The following SGPP2 variants were observed in gnomAD, a reference collection of about 807,000 sequenced individuals.
The protein encoded by SGPP2 is sphingosine-1-phosphate phosphatase 2.
SGPP2 carries 30 observed loss-of-function variants against 33.9 expected under a neutral mutation model. That is an observed-to-expected ratio of 0.89 (90% CI 0.66 to 1.20). The LOEUF (loss-of-function observed/expected upper bound fraction) is 1.20, where lower values mean the gene tolerates loss of function less well. SGPP2 is among the 50% of genes most tolerant of loss of function. The probability of loss-of-function intolerance (pLI) is 0.00; values close to 1 mark genes in which losing one functional copy is unlikely to be tolerated. For synonymous variants in SGPP2, 233 were observed against 225.0 expected, an observed-to-expected ratio of 1.04 and a Z score of -0.32; for missense variants, 458 against 532.1, an observed-to-expected ratio of 0.86 and a Z score of 1.37.
At position 222,496,272 on chromosome 2, in the gene SGPP2, A is replaced by G. The variant is rs1269879315; in HGVS notation, c.378+21546A>G. Among the ~76,000 whole-genome samples the G allele has an allele frequency of 3.9e-5, 6 of 152,244 alleles. No individual in the cohort carries two copies. In the South Asian group the frequency reaches 1.2e-3, roughly 32 times the overall value. On this transcript the variant is annotated intron_variant, in intron 2 of 4. Coordinates refer to ENST00000321276, the MANE Select transcript of SGPP2 (RefSeq NM_152386.4). ...AACAGTTCCCGTCCATGAGGTCTTC[A>G]CTTCTCAGTTTGAGACGCTTTCCAA...
chr2:222,492,091 T>C (rs962724189), intron 2 of SGPP2, among the ~76,000 whole-genome samples: 6 of 152,300 alleles, frequency 3.9e-5, no homozygotes, highest in East Asian at 3.9e-4. Context: ...TATGCTGGCA[T>C]TGAGTGCCTG....
chr2:222,546,241 T>C (rs566997065), intron 4 of SGPP2, among the ~76,000 whole-genome samples: 1 of 152,330 alleles, frequency 6.6e-6, no homozygotes, highest in East Asian at 1.9e-4. Flanking sequence ...TGTGGCATAG[T>C]TGGATTTCCA....
At chr2:222,431,937 A>G (rs1697163796) in intron 1 of SGPP2, among the ~76,000 whole-genome samples, 1 of 152,218 alleles carries the variant, frequency 6.6e-6, no homozygotes, top group Non-Finnish European at 1.5e-5. Flanking sequence ...AGTGGACTGG[A>G]GAGGAGAAAT....
chr2:222,542,298 A>T (rs1263107982), intron 4 of SGPP2, among the ~76,000 whole-genome samples: 4 of 152,164 alleles, frequency 2.6e-5, no homozygotes, highest in African/African-American at 4.8e-5. Context: ...CATATACCAC[A>T]CTTTATCCCT....
intron 4 of SGPP2, among the ~76,000 whole-genome samples, chr2:222,539,152 T>C (rs2106147175): frequency 6.6e-6 from 1 of 152,266 alleles, no homozygotes; most frequent in African/African-American, 2.4e-5. Flanking sequence ...AAAAACAAGT[T>C]AGTTACTTCC....
rs1468684299 is a variant in SGPP2, at chr2:222,562,358, C to A, written c.*3460C>A. On this transcript the variant is annotated 3_prime_UTR_variant, in exon 5 of 5. Transcript: ENST00000321276. The stretch of plus-strand genomic sequence containing the variant: ...AGAAGATGAAAACGTAGAAGACACC[C>A]CTGAATTAAAAACACTTACATAGCA... Among the ~76,000 whole-genome samples the A allele has an allele frequency of 1.3e-5, 2 of 152,144 alleles. No homozygotes were observed. Among genetic ancestry groups the A allele is most frequent in the Non-Finnish European group, 2.9e-5 (2 of 68,026 alleles).
In SGPP2 at chr2:222,514,608, A is replaced by G. The variant is rs1292637926; in HGVS notation, c.379-7159A>G. Among the ~76,000 whole-genome samples, 20 of 118,214 alleles carry G rather than the reference A, an allele frequency of 1.7e-4. No individual in the cohort carries two copies. The Admixed American group carries it at 1.8e-3, about 11-fold the overall frequency. 77.6% of individuals were successfully genotyped at this position (118,214 alleles called of 152,430 possible). A position where few individuals can be genotyped will look rare whatever the true frequency, so the allele number is the denominator to read the frequency against. ...GTACGTTCATAACCTGCAAGAAAAT[A>G]TTTAGTGTTTACTTGTAAAAGAGAG... On this transcript the variant is annotated intron_variant, in intron 2 of 4. Transcript: ENST00000321276.
chr2:222,453,460 A>G (rs1217082492), intron 1 of SGPP2, among the ~76,000 whole-genome samples: 1 of 152,200 alleles, frequency 6.6e-6, no homozygotes, highest in African/African-American at 2.4e-5. Flanking sequence ...AACAGGAGGC[A>G]ACCAGCTCAG....
chr2:222,517,697 A>G (rs1698626179), intron 2 of SGPP2, among the ~76,000 whole-genome samples: 1 of 152,176 alleles, frequency 6.6e-6, no homozygotes, highest in Non-Finnish European at 1.5e-5. Context: ...ACACATCCCT[A>G]GACTCCTAAC....
Position 222,558,847 on chromosome 2 carries a change from C to G in SGPP2, c.1149C>G (p.Ile383Met). 3 of 1,614,062 alleles carry G rather than the reference C, an allele frequency of 1.9e-6. No individual in the cohort carries two copies. Among genetic ancestry groups the G allele is most frequent in the Non-Finnish European group, 1.7e-6 (2 of 1,179,916 alleles). The stretch of plus-strand genomic sequence containing the variant: ...TTGTTACCTACACATCTGTTGGCAT[C>G]TGCGCTACAACCTTTGTGCCGATGC... Reference protein sequence around the residue: ...YKFVTYTSVGICATTFVPMLH... With the variant: ...YKFVTYTSVGMCATTFVPMLH... The change falls in exon 5 of 5, where the codon ATC becomes ATG. Residue 383 changes from isoleucine to methionine, a missense_variant. Coordinates refer to ENST00000321276, the MANE Select transcript of SGPP2 (RefSeq NM_152386.4).
At chr2:222,486,742 CCT>C (rs1698116159) in intron 2 of SGPP2, among the ~76,000 whole-genome samples, 1 of 112,230 alleles carries the variant, frequency 8.9e-6, no homozygotes, top group Non-Finnish European at 2.0e-5. Context: ...AGGTGTAGAG[CCT>C]AGATTCGAAC....
rs369207653 is a variant in SGPP2, at chr2:222,466,678, G to GT, written c.220-7881dup. Among the ~76,000 whole-genome samples the GT allele has an allele frequency of 3.4e-3, 519 of 151,548 alleles. 5 individuals are homozygous for GT. The highest frequency in any genetic ancestry group is 0.011 in the African/African-American group (454 of 41,320). On this transcript the variant is annotated intron_variant, in intron 1 of 4. Coordinates refer to ENST00000321276, the MANE Select transcript of SGPP2 (RefSeq NM_152386.4). ...CCCTTCTTAGGGAAACATGGTTTGG[G>GT]TTTTTTTTTGGTATTGTGATGCTCT... is the stretch of plus-strand genomic sequence containing the variant.
chr2:222,442,582 A>G (rs757052863), intron 1 of SGPP2, among the ~76,000 whole-genome samples: 8 of 152,224 alleles, frequency 5.3e-5, no homozygotes, highest in Non-Finnish European at 1.0e-4. Context: ...ATTAGATACC[A>G]GTATCATAAA....
chr2:222,454,693 T>G (rs1293220210), intron 1 of SGPP2, among the ~76,000 whole-genome samples: 3 of 150,730 alleles, frequency 2.0e-5, no homozygotes, highest in Non-Finnish European at 4.4e-5. Flanking sequence ...CTCATTCCCT[T>G]CTGTGAAAAT....
Position 222,561,104 on chromosome 2 carries a change from A to C in SGPP2, c.*2206A>C, listed in dbSNP as rs79343257. Among the ~76,000 whole-genome samples, 9 of 146,106 alleles carry C rather than the reference A, an allele frequency of 6.2e-5. No individual in the cohort carries two copies. The highest frequency in any genetic ancestry group is 2.1e-4 in the South Asian group (1 of 4,756). On this transcript the variant is annotated 3_prime_UTR_variant, in exon 5 of 5. Transcript: ENST00000321276. ...TGGGCGACAGAGCGAGACTCTCTCA[A>C]AAAAAAAAAAAAAGAATTTTTAGCA...
At chr2:222,510,583 G>T (rs1384570906) in intron 2 of SGPP2, among the ~76,000 whole-genome samples, 1 of 152,152 alleles carries the variant, frequency 6.6e-6, no homozygotes. Flanking sequence ...GGGGCTATGA[G>T]TGTAGCCAAG....
intron 4 of SGPP2, among the ~76,000 whole-genome samples, chr2:222,551,289 G>A (rs1418313740): frequency 6.6e-5 from 10 of 152,006 alleles, no homozygotes; most frequent in East Asian, 1.9e-4. Flanking sequence ...ACCGTGAACC[G>A]TTTTCCCTCT....
chr2:222,443,757 C>G (rs1241770037), intron 1 of SGPP2, among the ~76,000 whole-genome samples: 1 of 152,152 alleles, frequency 6.6e-6, no homozygotes, highest in Non-Finnish European at 1.5e-5. Context: ...CATGGCCCCT[C>G]ACAGAGGTCT....
intron 4 of SGPP2, among the ~76,000 whole-genome samples, chr2:222,546,305 A>G (rs1266122754): frequency 6.6e-6 from 1 of 152,164 alleles, no homozygotes; most frequent in Non-Finnish European, 1.5e-5. Context: ...TCACCCAACC[A>G]CCACAATCTT....
Sources: allele counts gnomAD v4.1 joint callset (sites outside exome capture counted in the v4.1 genomes callset), GRCh38; gene constraint gnomAD v4.1.1; transcripts MANE v1.5; gene names NCBI Gene and HGNC (gene_info 2026-07-23, HGNC 2026-07-21).